CAPZA2: variants seen among roughly 807,000 people sequenced by gnomAD.
The protein encoded by CAPZA2 is capping actin protein of muscle Z-line subunit alpha 2.
A neutral mutation model predicts 44.0 loss-of-function variants in CAPZA2; 13 were observed. That is an observed-to-expected ratio of 0.30 (90% CI 0.19 to 0.47). CAPZA2 has a LOEUF of 0.47. Ranked by LOEUF, CAPZA2 falls within the 20% of genes least tolerant of loss-of-function variation. CAPZA2 has a pLI of 1.00. For synonymous variants in CAPZA2, 94 were observed against 108.2 expected (o/e 0.87, Z 0.81); for missense variants, 244 against 338.6 (o/e 0.72, Z 2.19).
intron 1 of CAPZA2, among the ~76,000 whole-genome samples, chr7:116,885,817 C>A (rs774337447): frequency 1.3e-5 from 2 of 152,184 alleles, no homozygotes; most frequent in Non-Finnish European, 2.9e-5. Context: ...TTCAGCTCTT[C>A]CGAAGCTCTC....
At chr7:116,862,741 T>G in intron 1 of CAPZA2, 91 bp downstream of exon 1, 1 of 1,384,770 alleles carries the variant, frequency 7.2e-7, no homozygotes, top group Non-Finnish European at 9.8e-7. Context: ...GGAAGGGCAT[T>G]GGCCCGCAGC....
chr7:116,886,057 AG>A (rs1325679664), intron 1 of CAPZA2: 1 of 154,810 alleles, frequency 6.5e-6, no homozygotes, highest in African/African-American at 2.4e-5. Flanking sequence ...AGTTTGAAGC[AG>A]AATCTATGAT....
intron 2 of CAPZA2, among the ~76,000 whole-genome samples, chr7:116,891,852 G>A (rs1410703816): frequency 6.6e-6 from 1 of 152,180 alleles, no homozygotes; most frequent in African/African-American, 2.4e-5. Context: ...CTGAAAAGAG[G>A]TGAGGTATGT....
chr7:116,915,815 G>A, intron 8 of CAPZA2: 1 of 267,186 alleles, frequency 3.7e-6, no homozygotes, highest in South Asian at 5.8e-5. Flanking sequence ...ATCCATGTGT[G>A]TATCATTGAG....
At chr7:116,902,568 T>G (rs541940533) in intron 4 of CAPZA2, among the ~76,000 whole-genome samples, 4 of 152,294 alleles carry the variant, frequency 2.6e-5, no homozygotes, top group African/African-American at 9.6e-5. Context: ...AAACATACTC[T>G]CATATATGTG....
intron 1 of CAPZA2, among the ~76,000 whole-genome samples, chr7:116,884,119 T>C (rs938761419): frequency 3.9e-5 from 6 of 152,228 alleles, no homozygotes; most frequent in Admixed American, 6.5e-5. Flanking sequence ...AGTGTATGTT[T>C]GGCATGCACA....
chr7:116,919,114 ACAC>A lies in CAPZA2; in HGVS notation c.*1251_*1253del, dbSNP rs1481749094. On this transcript the variant is annotated 3_prime_UTR_variant, in exon 10 of 10. Transcript: ENST00000361183. The stretch of plus-strand genomic sequence containing the variant: ...TTTTATTGTTTTTTTTTTTAGAAAA[ACAC>A]CACTTTTATTATGTACAATAAAATA... 4.0e-5 allele frequency: 6 copies of A among 151,518 alleles called. No homozygotes were observed. Among genetic ancestry groups the A allele is most frequent in the African/African-American group, 7.3e-5 (3 of 41,248 alleles). 9.4% of individuals were successfully genotyped at this position (151,518 alleles called of 1,614,324 possible). A position where few individuals can be genotyped will look rare whatever the true frequency, so the allele number is the denominator to read the frequency against.
At chr7:116,910,365 A>C in intron 7 of CAPZA2, 54 bp downstream of exon 7, 1 of 853,152 alleles carries the variant, frequency 1.2e-6, no homozygotes, top group Non-Finnish European at 2.0e-6. Flanking sequence ...CAGAGAAACA[A>C]CTAATTCCTA....
chr7:116,902,456 T>TAC (rs1293427445), intron 4 of CAPZA2, among the ~76,000 whole-genome samples: 3 of 152,128 alleles, frequency 2.0e-5, no homozygotes, highest in Non-Finnish European at 4.4e-5. Context: ...TGAAAAGCCA[T>TAC]ACTTAGTTTT....
At chr7:116,865,413 T>G (rs1489981605) in intron 1 of CAPZA2, among the ~76,000 whole-genome samples, 1 of 151,954 alleles carries the variant, frequency 6.6e-6, no homozygotes. Flanking sequence ...CTTGAACTCC[T>G]GACCTCAGGT....
intron 1 of CAPZA2, among the ~76,000 whole-genome samples, chr7:116,867,485 CCTAAATAGTT>C (rs1796496547): frequency 6.6e-6 from 1 of 152,076 alleles, no homozygotes; most frequent in Admixed American, 6.6e-5. Flanking sequence ...TCCATTTTAA[CCTAAATAGTT>C]CTGACATTTT....
At chr7:116,865,956 A>C (rs1194751045) in intron 1 of CAPZA2, among the ~76,000 whole-genome samples, 1 of 152,232 alleles carries the variant, frequency 6.6e-6, no homozygotes, top group African/African-American at 2.4e-5. Context: ...AATAAAGCTT[A>C]TTATTAACAC....
At chr7:116,887,377 A>G (rs566380447) in intron 1 of CAPZA2, among the ~76,000 whole-genome samples, 16 of 152,024 alleles carry the variant, frequency 1.1e-4, no homozygotes, top group Non-Finnish European at 2.4e-4. Flanking sequence ...AAATACAAAA[A>G]ATTATCCAGG....
At chr7:116,909,438 G>A (rs909298474) in intron 6 of CAPZA2, among the ~76,000 whole-genome samples, 7 of 152,026 alleles carry the variant, frequency 4.6e-5, no homozygotes, top group Non-Finnish European at 1.0e-4. Flanking sequence ...AAATTCACTG[G>A]TAGACAAAAA....
At chr7:116,912,178 C>CT in intron 8 of CAPZA2, 38 bp downstream of exon 8, 8 of 1,605,144 alleles carry the variant, frequency 5.0e-6, no homozygotes, top group Non-Finnish European at 6.8e-6. Context: ...TAACCTAATA[C>CT]TTCTGTAAAA....
intron 2 of CAPZA2, among the ~76,000 whole-genome samples, chr7:116,891,348 T>G (rs1260684841): frequency 6.6e-6 from 1 of 152,218 alleles, no homozygotes; most frequent in Non-Finnish European, 1.5e-5. Flanking sequence ...GATGATAAAT[T>G]TATCAAATAG....
chr7:116,904,236 A>C lies in CAPZA2; in HGVS notation c.279A>C (p.Arg93Ser), dbSNP rs973273340. 4 of 1,613,800 alleles carry C rather than the reference A, an allele frequency of 2.5e-6. No individual in the cohort carries two copies. Among genetic ancestry groups the C allele is most frequent in the Non-Finnish European group, 3.4e-6 (4 of 1,179,858 alleles). The change falls in exon 5 of 10, where the codon AGA (arginine) becomes AGC (serine). Residue 93 changes from arginine to serine, a missense_variant. Coordinates refer to ENST00000361183, the MANE Select transcript of CAPZA2 (RefSeq NM_006136.3). The stretch of plus-strand genomic sequence containing the variant: ...GAAAGTTTTTGGATCCAAAGAACAG[A>C]ATCTGTTTTAAATTTGATCACTTAA... ...GNGKFLDPKN[R>S]ICFKFDHLRK...
At chr7:116,882,306 C>T (rs1796712331) in intron 1 of CAPZA2, among the ~76,000 whole-genome samples, 1 of 151,964 alleles carries the variant, frequency 6.6e-6, no homozygotes, top group Non-Finnish European at 1.5e-5. Context: ...TAATTCAGTC[C>T]CTCCTTTTAC....
chr7:116,901,112 A>T (rs1796989117), intron 4 of CAPZA2, among the ~76,000 whole-genome samples: 3 of 152,116 alleles, frequency 2.0e-5, no homozygotes, highest in Admixed American at 2.0e-4. Flanking sequence ...TTCCTCAGAG[A>T]TCTAAAAACG....
Sources: allele counts gnomAD v4.1 joint callset (sites outside exome capture counted in the v4.1 genomes callset), GRCh38; gene constraint gnomAD v4.1.1; transcripts MANE v1.5; gene names NCBI Gene and HGNC (gene_info 2026-07-23, HGNC 2026-07-21).